Variants in ATM observed in about 807,000 individuals in gnomAD.
The protein encoded by ATM is serine-protein kinase ATM.
Under a neutral mutation model 387.0 loss-of-function variants are expected in ATM, and 308 were observed. The observed-to-expected ratio is 0.80, with a 90% CI of 0.73 to 0.87. The LOEUF is 0.87. Among genes scored for constraint, ATM ranks in the 40% least tolerant of loss-of-function variants. The pLI, the probability that ATM is intolerant of heterozygous loss-of-function variation, is 0.00. For synonymous variants in ATM, 1,156 were observed against 1,187.3 expected (o/e 0.97, Z 0.54); for missense variants, 3,312 against 3,560.9 (o/e 0.93, Z 1.78).
intron 1 of ATM, chr11:108,223,767 T>A (rs1367574100): frequency 6.6e-6 from 1 of 152,240 alleles, no homozygotes; most frequent in Non-Finnish European, 1.5e-5. Context: ...TGACTTTGGT[T>A]CTCTGCAAAC....
At chr11:108,268,372 C>T (rs1565418884) in intron 17 of ATM, 38 bp from the exon 18 acceptor site, 17 of 1,585,432 alleles carry the variant, frequency 1.1e-5, no homozygotes, top group Non-Finnish European at 1.4e-5. Flanking sequence ...GGCTGTTGTG[C>T]CCTTCTCTTA....
rs144040705 is a variant in ATM at position 108,349,810 on chromosome 11, G to A, written c.8671+2445G>A. 3.4e-3 allele frequency among the ~76,000 whole-genome samples: 522 copies of A among 152,218 alleles called. 2 individuals are homozygous for A. The highest frequency in any genetic ancestry group is 0.012 in the African/African-American group (497 of 41,536). The stretch of plus-strand genomic sequence containing the variant: ...AACCTGTTAGATATTGAAGATACAG[G>A]AGAAAAACAAAAGATAATTGAAATA... On this transcript the variant is annotated intron_variant, in intron 59 of 62. Coordinates refer to ENST00000675843, the MANE Select transcript of ATM (RefSeq NM_000051.4).
intron 42 of ATM, among the ~76,000 whole-genome samples, chr11:108,316,636 G>A (rs886849682): frequency 4.6e-5 from 7 of 151,672 alleles, no homozygotes; most frequent in African/African-American, 1.7e-4. Context: ...TTGGCCAGGC[G>A]TGGTGGCTTG....
intron 40 of ATM, among the ~76,000 whole-genome samples, chr11:108,313,926 CAG>C (rs1208735905): frequency 6.6e-6 from 1 of 151,968 alleles, no homozygotes; most frequent in Non-Finnish European, 1.5e-5. Context: ...TTGTTTTAAA[CAG>C]AATATATCTT....
chr11:108,354,694 GAT>G, intron 60 of ATM, 115 bp from the exon 61 acceptor site: 1 of 915,488 alleles, frequency 1.1e-6, no homozygotes, highest in Non-Finnish European at 1.8e-6. Flanking sequence ...TTGAGATACA[GAT>G]ATGTAGATTA....
chr11:108,316,716 T>C (rs2084679759), intron 42 of ATM, among the ~76,000 whole-genome samples: 1 of 137,382 alleles, frequency 7.3e-6, no homozygotes, highest in Admixed American at 8.4e-5. Context: ...CAGACCATCC[T>C]GGCTAACACG....
At chr11:108,267,789 T>C (rs1591591442) in intron 17 of ATM, among the ~76,000 whole-genome samples, 1 of 152,012 alleles carries the variant, frequency 6.6e-6, no homozygotes, top group East Asian at 1.9e-4. Flanking sequence ...CCTGGGGAGG[T>C]GGAGGTTGCA....
Position 108,227,692 on chromosome 11 carries a change from GAA to G in ATM, c.70_71del (p.Lys24GlufsTer4). On this transcript the variant is annotated frameshift_variant and splice_region_variant, in exon 2 of 63. Coordinates refer to ENST00000675843, the MANE Select transcript of ATM (RefSeq NM_000051.4). LOFTEE classifies it high-confidence loss of function. ...CTAGAACATGATAGAGCTACAGAAC[GAA>G]AGGTAGTAAATTACTTAAATTCAAT... is the stretch of plus-strand genomic sequence containing the variant. 1 of 1,613,480 alleles carries G rather than the reference GAA, an allele frequency of 6.2e-7. No homozygotes were observed. Among genetic ancestry groups the G allele is most frequent in the Non-Finnish European group, 8.5e-7 (1 of 1,179,722 alleles).
In ATM at chr11:108,294,965, A is replaced by G; in HGVS notation, c.4815A>G (p.Ala1605=). 1 of 1,613,876 alleles carries G rather than the reference A, an allele frequency of 6.2e-7. No homozygotes were observed. The highest frequency in any genetic ancestry group is 1.1e-5 in the South Asian group (1 of 91,078). Residue 1605 remains alanine (A), a synonymous_variant, in exon 32 of 63, where the codon GCA becomes GCG. Transcript: ENST00000675843. ...TTCTCTCAGTAAGTGTTTATGATGC[A>G]CTTCCATTGACAAGACTTGAAGGAC... ...NHFLSVSVYD[A]LPLTRLEGLK... is the part of the protein sequence containing the mutation.
At chr11:108,249,169 T>G in intron 9 of ATM, 67 bp downstream of exon 9, 1 of 1,563,232 alleles carries the variant, frequency 6.4e-7, no homozygotes, top group South Asian at 1.1e-5. Flanking sequence ...TCAGAAAACT[T>G]TCAGTGGAAT....
rs2136422828 is a variant in ATM at position 108,329,212 on chromosome 11, T to TAA, written c.7282_7283insAA (p.Arg2428LysfsTer13). On this transcript the variant is annotated frameshift_variant, in exon 49 of 63. Transcript: ENST00000675843. LOFTEE classifies it high-confidence loss of function. Reference sequence around the variant, plus strand: ...GAGCCAAAGAGGAAGTAGGTCTCCTTAGGGAACATAAAATTCAGACAAACA... The same window carrying TAA: ...GAGCCAAAGAGGAAGTAGGTCTCCTTAAAGGGAACATAAAATTCAGACAAACA... The TAA allele has an allele frequency of 6.2e-7, 1 of 1,613,794 alleles. No homozygotes were observed. The highest frequency in any genetic ancestry group is 8.5e-7 in the Non-Finnish European group (1 of 1,179,788).
At chr11:108,247,180 T>G in intron 8 of ATM, 53 bp downstream of exon 8, 8 of 1,585,680 alleles carry the variant, frequency 5.0e-6, no homozygotes, top group Non-Finnish European at 6.9e-6. Context: ...ATTTTTTTTT[T>G]AAACTGGGCA....
In ATM at chr11:108,232,831, A is replaced by G. The variant is rs376055271; in HGVS notation, c.332-2839A>G. Among the ~76,000 whole-genome samples, 9 of 149,378 alleles carry G rather than the reference A, an allele frequency of 6.0e-5. No individual in the cohort carries two copies. The South Asian group carries it at 1.7e-3, about 28-fold the overall frequency. On this transcript the variant is annotated intron_variant, in intron 4 of 62. Transcript: ENST00000675843. ...GCTGGGATTATAGGTGTGAGCCACC[A>G]CACTCACACACCCAGCCTACTGTTC...
chr11:108,341,975 C>G (rs2087635177), intron 56 of ATM, among the ~76,000 whole-genome samples: 1 of 152,090 alleles, frequency 6.6e-6, no homozygotes. Context: ...GGGTATATAC[C>G]CTAGAGCAGA....
Position 108,272,560 on chromosome 11 carries a change from T to C in ATM, c.3106T>C (p.Phe1036Leu), listed in dbSNP as rs747079458. 4.3e-6 allele frequency: 7 copies of C among 1,613,674 alleles called. No individual in the cohort carries two copies. In the East Asian group the frequency reaches 1.6e-4, roughly 36 times the overall value. The change falls in exon 21 of 63, where the codon TTC (phenylalanine) becomes CTC (leucine). Residue 1036 changes from phenylalanine (F) to leucine (L), a missense_variant. Physicochemically the swap from Phe to Leu is conservative, Grantham distance 22. Coordinates refer to ENST00000675843, the MANE Select transcript of ATM (RefSeq NM_000051.4). ...WHLTKERKYI[F>L]SVRMALVNCL... is the part of the protein sequence containing the mutation. ...TCTAACAAAGGAGAGGAAATATATA[T>C]TCTCTGTAAGAATGGCCCTAGTAAA... is the stretch of plus-strand genomic sequence containing the variant.
chr11:108,324,951 T>C lies in ATM; in HGVS notation c.6573-359T>C, dbSNP rs77848358. On this transcript the variant is annotated intron_variant, in intron 45 of 62. Coordinates refer to ENST00000675843, the MANE Select transcript of ATM (RefSeq NM_000051.4). ...CATGTCCTCATTACTACAGGCAGTA[T>C]TGAAGCAGGACTAAAGATGGAGGCA... 3.1e-3 allele frequency among the ~76,000 whole-genome samples: 478 copies of C among 152,294 alleles called. 2 individuals carry two copies. Among genetic ancestry groups the C allele is most frequent in the African/African-American group, 0.011 (460 of 41,564 alleles).
intron 9 of ATM, among the ~76,000 whole-genome samples, chr11:108,250,082 A>G (rs2080049455): frequency 6.6e-6 from 1 of 151,744 alleles, no homozygotes; most frequent in African/African-American, 2.4e-5. Context: ...TTTTAGAGGA[A>G]TCGTTTGGTG....
At chr11:108,231,965 C>T (rs947872984) in intron 4 of ATM, among the ~76,000 whole-genome samples, 2 of 152,006 alleles carry the variant, frequency 1.3e-5, no homozygotes, top group African/African-American at 4.8e-5. Context: ...GCTTTGTATC[C>T]AGTAAAATAT....
In ATM at chr11:108,231,072, A is replaced by G. The variant is rs73561573; in HGVS notation, c.331+1749A>G. On this transcript the variant is annotated intron_variant, in intron 4 of 62. Coordinates refer to ENST00000675843, the MANE Select transcript of ATM (RefSeq NM_000051.4). Reference sequence around the variant, plus strand: ...AATTCTTGCTTATCTTTCATTCTGTACTCTTACTGATTAATTCTAAGATCA... The same window carrying G: ...AATTCTTGCTTATCTTTCATTCTGTGCTCTTACTGATTAATTCTAAGATCA... 9.1e-3 allele frequency among the ~76,000 whole-genome samples: 1,378 copies of G among 152,176 alleles called. 21 individuals are homozygous for G. Among genetic ancestry groups the G allele is most frequent in the African/African-American group, 0.031 (1,301 of 41,520 alleles).
Sources: allele counts gnomAD v4.1 joint callset (sites outside exome capture counted in the v4.1 genomes callset), GRCh38; gene constraint gnomAD v4.1.1; transcripts MANE v1.5; gene names NCBI Gene and HGNC (gene_info 2026-07-23, HGNC 2026-07-21).